The following CIITA variants were observed in gnomAD, a reference collection of about 807,000 sequenced individuals.
The protein encoded by CIITA is class II major histocompatibility complex transactivator, also known as MHC class II transactivator.
Under a neutral mutation model 115.1 loss-of-function variants are expected in CIITA, and 72 were observed. That is an observed-to-expected ratio of 0.63 (90% CI 0.52 to 0.76). CIITA has a LOEUF of 0.76. CIITA is among the 30% of genes least tolerant of loss of function. The probability of loss-of-function intolerance (pLI) is 0.00; values close to 1 mark genes in which losing one functional copy is unlikely to be tolerated. For missense variants in CIITA, 1,617 were observed against 1,463.8 expected (o/e 1.10, Z -1.71); for synonymous variants, 763 against 635.6 (o/e 1.20, Z -3.02).
chr16:10,903,264 AC>A (rs1225852727), intron 8 of CIITA, among the ~76,000 whole-genome samples: 1 of 151,994 alleles, frequency 6.6e-6, no homozygotes, highest in African/African-American at 2.4e-5. Flanking sequence ...GTCCCTACTG[AC>A]CCACCACACT....
intron 1 of CIITA, among the ~76,000 whole-genome samples, chr16:10,885,833 C>G (rs2036891296): frequency 6.6e-6 from 1 of 152,178 alleles, no homozygotes; most frequent in African/African-American, 2.4e-5. Flanking sequence ...GAGGTACCAA[C>G]CTCACCCCAT....
At chr16:10,896,859 T>G (rs978505871) in intron 3 of CIITA, among the ~76,000 whole-genome samples, 1 of 152,100 alleles carries the variant, frequency 6.6e-6, no homozygotes, top group African/African-American at 2.4e-5. Context: ...AGGAAGAAAA[T>G]GGAGGGGACT....
intron 1 of CIITA, among the ~76,000 whole-genome samples, chr16:10,870,349 C>A (rs1373719512): frequency 6.6e-6 from 1 of 152,104 alleles, no homozygotes; most frequent in African/African-American, 2.4e-5. Flanking sequence ...GCAGAAAGCC[C>A]AGTTCTGGAG....
chr16:10,905,090 A>T (rs1441742356), intron 10 of CIITA, among the ~76,000 whole-genome samples: 2 of 152,228 alleles, frequency 1.3e-5, no homozygotes, highest in Non-Finnish European at 2.9e-5. Flanking sequence ...GGGGCAAGCG[A>T]ATGATGAAGT....
chr16:10,907,612 C>G lies in CIITA; in HGVS notation c.2120C>G (p.Ala707Gly), dbSNP rs1171198216. The G allele has an allele frequency of 4.3e-6, 7 of 1,614,130 alleles. No individual in the cohort carries two copies. Among genetic ancestry groups the G allele is most frequent in the Non-Finnish European group, 5.9e-6 (7 of 1,180,048 alleles). Residue 707 changes from alanine (A) to glycine (G), a missense_variant, in exon 11 of 20, where the codon GCC becomes GGC. Physicochemically the swap from Ala to Gly is moderately conservative, Grantham distance 60 (BLOSUM62 0). Coordinates refer to ENST00000324288, the MANE Select transcript of CIITA (RefSeq NM_000246.4). The surrounding 1 kb of genome is among the most constrained non-coding windows in gnomAD (Gnocchi z 5.0). The part of the protein sequence containing the change: ...HPPRAAESEL[A>G]FPSFLLQCFL... ...CCGCGGGCCGCAGAGTCCGAGCTGG[C>G]CTTCCCCAGCTTCCTCCTGCAATGC...
intron 1 of CIITA, among the ~76,000 whole-genome samples, chr16:10,885,501 G>T (rs970264087): frequency 6.6e-6 from 1 of 152,042 alleles, no homozygotes; most frequent in Non-Finnish European, 1.5e-5. Context: ...TGACCTCCTC[G>T]TGCCACTCCA....
rs2039243918 is a variant in CIITA, at chr16:10,907,399, C to T, written c.1907C>T (p.Thr636Met). Residue 636 changes from threonine to methionine, a missense_variant, in exon 11 of 20, where the codon ACG becomes ATG. Physicochemically the swap from Thr to Met is moderately conservative, Grantham distance 81 (BLOSUM62 -1). Transcript: ENST00000324288. The surrounding 1 kb of genome is among the most constrained non-coding windows in gnomAD (Gnocchi z 5.0). ...ELGEDAKLPS[T>M]LTGLYVGLLG... ...GGGGAGGACGCCAAGCTGCCCTCCA[C>T]GCTCACGGGACTCTATGTCGGCCTG... 2.5e-6 allele frequency: 4 copies of T among 1,613,220 alleles called. No homozygotes were observed. The highest frequency in any genetic ancestry group is 1.3e-5 in the African/African-American group (1 of 74,928).
rs2040926665 is a variant in CIITA at position 10,934,255 on chromosome 16, A to G, written c.*10400A>G. 1 of 152,196 alleles carries G rather than the reference A, an allele frequency of 6.6e-6. No homozygotes were observed. The highest frequency in any genetic ancestry group is 6.5e-5 in the Admixed American group (1 of 15,286). The allele number at this position is 152,196 out of a possible 1,614,324, so 9.4% of individuals were successfully genotyped here. On this transcript the variant is annotated 3_prime_UTR_variant, in exon 20 of 20. Coordinates refer to ENST00000324288, the MANE Select transcript of CIITA (RefSeq NM_000246.4). This position sits in a 1 kb window ranked among gnomAD's most constrained non-coding sequence, Gnocchi z 4.2. ...ATTATTTACTTAGTATTTTAAACCA[A>G]TGTACTTTTTAAACTCCAATTTTTT...
Position 10,926,723 on chromosome 16 carries a change from T to C in CIITA, c.*2868T>C, listed in dbSNP as rs1168253453. On this transcript the variant is annotated 3_prime_UTR_variant, in exon 20 of 20. Transcript: ENST00000324288. ...GCCTGGCTAATTTTTGTATTTTTAGTAGAGATGGAGTTTCACCATGTTGGC... is the reference window on the plus strand; with the variant it reads ...GCCTGGCTAATTTTTGTATTTTTAGCAGAGATGGAGTTTCACCATGTTGGC... 6.6e-6 allele frequency: 1 copy of C among 152,148 alleles called. No individual in the cohort carries two copies. Among genetic ancestry groups the C allele is most frequent in the Non-Finnish European group, 1.5e-5 (1 of 68,036 alleles). The allele number at this position is 152,148 out of a possible 1,614,324, so 9.4% of individuals were successfully genotyped here. A position where few individuals can be genotyped will look rare whatever the true frequency, so the allele number is the denominator to read the frequency against.
chr16:10,911,545 CCTTTTCTTTCCTTTT>C (rs1304553707), intron 13 of CIITA, among the ~76,000 whole-genome samples: 3 of 82,276 alleles, frequency 3.6e-5, no homozygotes, highest in Non-Finnish European at 5.9e-5. Context: ...TTTTTCCTTT[CCTTTTCTTTCCTTTT>C]CTTTTCTTTC....
Position 10,906,799 on chromosome 16 carries a change from C to T in CIITA, c.1307C>T (p.Ala436Val). The T allele has an allele frequency of 6.2e-7, 1 of 1,612,312 alleles. No individual in the cohort carries two copies. Among genetic ancestry groups the T allele is most frequent in the Non-Finnish European group, 8.5e-7 (1 of 1,180,028 alleles). ...KSYWAGAVSR[A>V]WACGRLPQYD... ...TATTGGGCTGGGGCAGTGAGCCGGG[C>T]CTGGGCTTGTGGCCGGCTTCCCCAG... Residue 436 changes from alanine (A) to valine (V), a missense_variant, in exon 11 of 20, where the codon GCC (alanine) becomes GTC (valine). Coordinates refer to ENST00000324288, the MANE Select transcript of CIITA (RefSeq NM_000246.4).
intron 13 of CIITA, among the ~76,000 whole-genome samples, chr16:10,911,212 TTCTC>T (rs1349775007): frequency 5.6e-5 from 2 of 35,530 alleles, no homozygotes; most frequent in Non-Finnish European, 8.8e-5. Flanking sequence ...CTTTCCTTTC[TTCTC>T]TCTTTCTTTT....
Position 10,877,348 on chromosome 16 carries a change from A to G in CIITA, c.18A>G (p.Pro6=). 1 of 1,613,248 alleles carries G rather than the reference A, an allele frequency of 6.2e-7. No individual in the cohort carries two copies. ...CCTACACAATGCGTTGCCTGGCTCCACGCCCTGCTGGGTCCTACCTGTCAG... is the reference window on the plus strand; with the variant it reads ...CCTACACAATGCGTTGCCTGGCTCCGCGCCCTGCTGGGTCCTACCTGTCAG... MRCLA[P]RPAGSYLSEP... is the part of the protein sequence containing the mutation. The change falls in exon 1 of 20, where the codon CCA becomes CCG. Residue 6 remains proline, a synonymous_variant. Coordinates refer to ENST00000324288, the MANE Select transcript of CIITA (RefSeq NM_000246.4).
intron 1 of CIITA, among the ~76,000 whole-genome samples, chr16:10,894,550 C>T (rs1467882736): frequency 6.6e-6 from 1 of 152,132 alleles, no homozygotes; most frequent in Non-Finnish European, 1.5e-5. Context: ...GTATAATGAT[C>T]ATGTCAGGAT....
Position 10,901,364 on chromosome 16 carries a change from T to C in CIITA, c.437-150T>C, listed in dbSNP as rs2038733584. 3.9e-6 allele frequency: 3 copies of C among 777,408 alleles called. No homozygotes were observed. Among genetic ancestry groups the C allele is most frequent in the Non-Finnish European group, 6.6e-6 (3 of 456,842 alleles). The allele number at this position is 777,408 out of a possible 1,614,324, so 48.2% of individuals were successfully genotyped here. A position where few individuals can be genotyped will look rare whatever the true frequency, so the allele number is the denominator to read the frequency against. ...TTGGGTTCAAGCCAAGGAGCTGGGG[T>C]TGGAATGTTAGAGCGAGGGGAGGAA... is the stretch of plus-strand genomic sequence containing the variant. On this transcript the variant is annotated intron_variant, in intron 5 of 19. Coordinates refer to ENST00000324288, the MANE Select transcript of CIITA (RefSeq NM_000246.4). This position sits in a 1 kb window ranked among gnomAD's most constrained non-coding sequence, Gnocchi z 6.8.
chr16:10,907,708 T>C lies in CIITA; in HGVS notation c.2216T>C (p.Leu739Ser), dbSNP rs1405359960. 1.2e-6 allele frequency: 2 copies of C among 1,614,208 alleles called. No individual in the cohort carries two copies. The highest frequency in any genetic ancestry group is 1.7e-6 in the Non-Finnish European group (2 of 1,180,030). The change falls in exon 11 of 20, where the codon TTG becomes TCG. Residue 739 changes from leucine (L) to serine (S), a missense_variant. Coordinates refer to ENST00000324288, the MANE Select transcript of CIITA (RefSeq NM_000246.4). This position sits in a 1 kb window ranked among gnomAD's most constrained non-coding sequence, Gnocchi z 5.0. ...AAGGAGCTCCCGCAGTACCTAGCAT[T>C]GACCCCAAGGAAGAAGAGGCCCTAT... ...KDKELPQYLA[L>S]TPRKKRPYDN...
chr16:10,893,804 T>TAGAAAAAA (rs2037835319), intron 1 of CIITA, among the ~76,000 whole-genome samples: 1 of 32,178 alleles, frequency 3.1e-5, no homozygotes, highest in Admixed American at 6.2e-4. Context: ...GACTCCGTCT[T>TAGAAAAAA]AAAAAAAAAA....
chr16:10,874,049 C>T (rs2143326285), upstream of CIITA, among the ~76,000 whole-genome samples: 1 of 151,552 alleles, frequency 6.6e-6, no homozygotes, highest in South Asian at 2.1e-4. Context: ...GGTGTGATCT[C>T]GGCTCACTTG....
intron 13 of CIITA, 77 bp from the exon 14 acceptor site, chr16:10,915,493 G>C (rs2039889559): frequency 8.5e-7 from 1 of 1,177,472 alleles, no homozygotes; most frequent in Non-Finnish European, 1.3e-6. Flanking sequence ...TCTGTGCCTT[G>C]TCTCTGCCCC....
Sources: gnomAD v4.1 joint callset for allele counts (sites outside exome capture counted in the v4.1 genomes callset) on GRCh38, gnomAD v4.1.1 for gene constraint, Gnocchi (gnomAD v3.1) non-coding constraint, MANE v1.5 for transcripts, NCBI Gene and HGNC (gene_info 2026-07-23, HGNC 2026-07-21) for gene names.